Variants in STAG1 observed in about 807,000 individuals in gnomAD.
The protein encoded by STAG1 is cohesin subunit SA-1.
A neutral mutation model predicts 170.9 loss-of-function variants in STAG1; 26 were observed. The observed-to-expected ratio is 0.15, with a 90% CI of 0.11 to 0.21. STAG1 has a LOEUF of 0.21. STAG1 is among the 10% of genes least tolerant of loss of function. The pLI is 1.00. For synonymous variants in STAG1, 514 were observed against 497.7 expected (o/e 1.03, Z -0.44); for missense variants, 964 against 1,509.5 (o/e 0.64, Z 5.99).
At chr3:136,538,102 T>C (rs377631930) in intron 6 of STAG1, among the ~76,000 whole-genome samples, 49 of 152,204 alleles carry the variant, frequency 3.2e-4, no homozygotes, top group African/African-American at 9.2e-4. Flanking sequence ...TATTAGCCTG[T>C]GATATTTGAA....
chr3:136,744,728 T>C (rs978012035), intron 1 of STAG1, among the ~76,000 whole-genome samples: 5 of 145,434 alleles, frequency 3.4e-5, no homozygotes, highest in Non-Finnish European at 1.5e-5. Flanking sequence ...TACGCTGGAA[T>C]GCAGTGGTGC....
chr3:136,408,070 C>A (rs1333804591), intron 21 of STAG1, among the ~76,000 whole-genome samples: 1 of 150,002 alleles, frequency 6.7e-6, no homozygotes, highest in Admixed American at 6.7e-5. Context: ...TATAAATCTT[C>A]TCATCATCCT....
chr3:136,471,657 G>C (rs1326113789), intron 12 of STAG1, among the ~76,000 whole-genome samples: 2 of 152,070 alleles, frequency 1.3e-5, no homozygotes, highest in Non-Finnish European at 2.9e-5. Context: ...ATAGATTCTT[G>C]CTAGTTTTTA....
intron 1 of STAG1, among the ~76,000 whole-genome samples, chr3:136,662,151 C>T (rs745731663): frequency 7.3e-6 from 1 of 136,798 alleles, no homozygotes; most frequent in Non-Finnish European, 1.6e-5. Flanking sequence ...CACAGTTAGA[C>T]TCTTTTTTTT....
At chr3:136,674,808 A>C (rs1346173223) in intron 1 of STAG1, among the ~76,000 whole-genome samples, 1 of 152,220 alleles carries the variant, frequency 6.6e-6, no homozygotes, top group Non-Finnish European at 1.5e-5. Context: ...TTAAAAAGCT[A>C]AATGAAGACT....
chr3:136,526,754 T>C (rs1935053059), intron 6 of STAG1, among the ~76,000 whole-genome samples: 1 of 152,224 alleles, frequency 6.6e-6, no homozygotes, highest in African/African-American at 2.4e-5. Context: ...CCATGTTTAG[T>C]GCTTCCTTCA....
At chr3:136,472,631 T>C (rs2089654720) in intron 11 of STAG1, 139 bp from the exon 12 acceptor site, 1 of 559,576 alleles carries the variant, frequency 1.8e-6, no homozygotes, top group Non-Finnish European at 3.2e-6. Context: ...AACTGCAGTA[T>C]TGTAGTCCTA....
intron 29 of STAG1, among the ~76,000 whole-genome samples, chr3:136,348,158 C>A (rs1372622447): frequency 6.6e-6 from 1 of 152,082 alleles, no homozygotes; most frequent in African/African-American, 2.4e-5. Flanking sequence ...TCACAGACCT[C>A]CTCTTGGTTT....
intron 1 of STAG1, among the ~76,000 whole-genome samples, chr3:136,707,296 G>A (rs944603624): frequency 1.3e-4 from 20 of 152,230 alleles, no homozygotes; most frequent in African/African-American, 4.1e-4. Context: ...AAATACTTAC[G>A]GGTCCAGTAT....
intron 14 of STAG1, among the ~76,000 whole-genome samples, chr3:136,446,724 C>T (rs917156079): frequency 6.7e-6 from 1 of 148,874 alleles, no homozygotes; most frequent in Non-Finnish European, 1.5e-5. Flanking sequence ...TGCCTGGCCT[C>T]CCTTGTTTCT....
chr3:136,443,659 G>A (rs1218957028), intron 14 of STAG1, among the ~76,000 whole-genome samples: 1 of 152,150 alleles, frequency 6.6e-6, no homozygotes, highest in African/African-American at 2.4e-5. Context: ...TATAGATGAG[G>A]AAACAGAGCA....
Position 136,340,599 on chromosome 3 carries a change from A to G in STAG1, c.3564T>C (p.Gly1188=), listed in dbSNP as rs1022520130. 2.5e-6 allele frequency: 4 copies of G among 1,607,652 alleles called. No individual in the cohort carries two copies. In the Admixed American group the frequency reaches 5.0e-5, roughly 20 times the overall value. Residue 1188 remains glycine (G), a synonymous_variant, in exon 32 of 34, where the codon GGT becomes GGC. Coordinates refer to ENST00000383202, the MANE Select transcript of STAG1 (RefSeq NM_005862.3). ...TGGGCTCAGCATCTTCCTCCATTAG[A>G]CCCCGACTGGTAAGAAAAAGGTATT... ...VRTGVRHAVR[G]LMEEDAEPIF... is the part of the protein sequence containing the mutation.
rs142822145 is a variant in STAG1 at position 136,521,795 on chromosome 3, A to G, written c.472-378T>C. On this transcript the variant is annotated intron_variant, in intron 6 of 33. Transcript: ENST00000383202. ...TTGAATTTTGATGAAAGCTATCATG[A>G]TACCTGTGTCATACCACATCTTTCA... Among the ~76,000 whole-genome samples, 1,148 of 152,332 alleles carry G rather than the reference A, an allele frequency of 7.5e-3. 18 individuals carry two copies. Among genetic ancestry groups the G allele is most frequent in the African/African-American group, 0.026 (1,095 of 41,584 alleles).
At chr3:136,713,926 G>C (rs1943452636) in intron 1 of STAG1, among the ~76,000 whole-genome samples, 1 of 152,120 alleles carries the variant, frequency 6.6e-6, no homozygotes. Flanking sequence ...GGGTGCCTGA[G>C]GCAGGGAGAA....
intron 15 of STAG1, 145 bp from the exon 16 acceptor site, chr3:136,433,804 T>G (rs2088379297): frequency 1.6e-6 from 1 of 606,776 alleles, no homozygotes; most frequent in African/African-American, 1.9e-5. Context: ...TTTGCTATTT[T>G]TTTTTTTAAA....
At chr3:136,672,014 T>G (rs1343782986) in intron 1 of STAG1, among the ~76,000 whole-genome samples, 1 of 152,244 alleles carries the variant, frequency 6.6e-6, no homozygotes, top group Non-Finnish European at 1.5e-5. Flanking sequence ...TGCTGAAGTA[T>G]GAACTGACTC....
At chr3:136,464,841 A>G (rs368583270) in intron 13 of STAG1, 40 bp downstream of exon 13, 3 of 1,519,342 alleles carry the variant, frequency 2.0e-6, no homozygotes, top group Non-Finnish European at 2.7e-6. Flanking sequence ...AGAAAACAAC[A>G]TAGAAAAGTA....
Position 136,521,359 on chromosome 3 carries a change from T to C in STAG1, c.530A>G (p.Asn177Ser), listed in dbSNP as rs1282775713. ...CAGGACTCCAATAAATTCACAAAAG[T>C]TTGAACGAAATTTTTTCCACTGAGG... ...PGPQWKKFRS[N>S]FCEFIGVLIR... The change falls in exon 7 of 34, where the codon AAC becomes AGC. Residue 177 changes from asparagine (N) to serine (S), a missense_variant. Transcript: ENST00000383202. The C allele has an allele frequency of 6.2e-7, 1 of 1,613,664 alleles. No individual in the cohort carries two copies. Among genetic ancestry groups the C allele is most frequent in the Non-Finnish European group, 8.5e-7 (1 of 1,179,740 alleles).
chr3:136,356,887 G>A (rs955479117), intron 28 of STAG1, among the ~76,000 whole-genome samples: 1 of 151,048 alleles, frequency 6.6e-6, no homozygotes, highest in Non-Finnish European at 1.5e-5. Flanking sequence ...TGAGCAGCTG[G>A]GACTACAGGC....
Sources: gnomAD v4.1 joint callset for allele counts (sites outside exome capture counted in the v4.1 genomes callset) on GRCh38, gnomAD v4.1.1 for gene constraint, MANE v1.5 for transcripts, NCBI Gene and HGNC (gene_info 2026-07-23, HGNC 2026-07-21) for gene names.